The following NALF1 variants were observed in gnomAD, a reference collection of about 807,000 sequenced individuals.
NALF1 encodes family with sequence similarity 155 member A.
A neutral mutation model predicts 48.4 loss-of-function variants in NALF1; 3 were observed. That is an observed-to-expected ratio of 0.06 (90% confidence interval 0.03 to 0.16). NALF1 has a LOEUF of 0.16. NALF1 is among the 10% of genes least tolerant of loss of function. The pLI is 1.00. For missense variants in NALF1, 526 were observed against 571.5 expected (o/e 0.92, Z 0.81); for synonymous variants, 262 against 245.7 (o/e 1.07, Z -0.62).
chr13:107,736,950 T>C (rs1025388796), intron 1 of NALF1, among the ~76,000 whole-genome samples: 5 of 152,224 alleles, frequency 3.3e-5, no homozygotes, highest in Admixed American at 6.5e-5. Context: ...GAGGAAACCT[T>C]AATGGCCTGC....
intron 1 of NALF1, among the ~76,000 whole-genome samples, chr13:107,341,516 T>C (rs1398816866): frequency 6.6e-6 from 1 of 152,046 alleles, no homozygotes; most frequent in Non-Finnish European, 1.5e-5. Context: ...GTTTTACTTA[T>C]CTGCAAAATG....
At chr13:107,698,307 T>C (rs1881742586) in intron 1 of NALF1, among the ~76,000 whole-genome samples, 1 of 152,146 alleles carries the variant, frequency 6.6e-6, no homozygotes, top group Non-Finnish European at 1.5e-5. Context: ...ATATGCTATC[T>C]AAATTCAGGA....
intron 1 of NALF1, among the ~76,000 whole-genome samples, chr13:107,293,886 C>T (rs1026690757): frequency 1.3e-5 from 2 of 152,176 alleles, no homozygotes; most frequent in African/African-American, 2.4e-5. Flanking sequence ...GAGAAAACAA[C>T]CGTATTGTTT....
At chr13:107,682,535 A>T (rs1881333030) in intron 1 of NALF1, among the ~76,000 whole-genome samples, 1 of 152,008 alleles carries the variant, frequency 6.6e-6, no homozygotes, top group South Asian at 2.1e-4. Context: ...ATCCCGAACG[A>T]GGCCCCCGGG....
At chr13:107,716,350 T>C (rs1012877826) in intron 1 of NALF1, among the ~76,000 whole-genome samples, 1 of 152,182 alleles carries the variant, frequency 6.6e-6, no homozygotes, top group African/African-American at 2.4e-5. Flanking sequence ...ATGTTTTGTT[T>C]CCCGGTGCCA....
chr13:107,526,586 G>A (rs1481604483), intron 1 of NALF1, among the ~76,000 whole-genome samples: 1 of 152,088 alleles, frequency 6.6e-6, no homozygotes, highest in Non-Finnish European at 1.5e-5. Flanking sequence ...GTAGAAGGAC[G>A]AACACTGGTA....
rs1269887337 is a variant in NALF1, at chr13:107,867,271, T to TC, written c.-676dup. ...GGGCTGCCTCCGGCGGGGCGCTCCC[T>TC]CCCCCCCACCCCCCACCCCGCGCTC... is the stretch of plus-strand genomic sequence containing the variant. On this transcript the variant is annotated 5_prime_UTR_variant, in exon 1 of 3. Transcript: ENST00000375915. This position sits in a 1 kb window ranked among gnomAD's most constrained non-coding sequence, Gnocchi z 4.4. 2.2e-3 allele frequency among the ~76,000 whole-genome samples: 93 copies of TC among 41,862 alleles called. No individual in the cohort carries two copies. The highest frequency in any genetic ancestry group is 3.4e-3 in the Non-Finnish European group (66 of 19,602). 27.5% of individuals were successfully genotyped at this position (41,862 alleles called of 152,430 possible). A position where few individuals can be genotyped will look rare whatever the true frequency, so the allele number is the denominator to read the frequency against.
At chr13:107,674,128 T>C (rs1324412724) in intron 1 of NALF1, among the ~76,000 whole-genome samples, 3 of 151,990 alleles carry the variant, frequency 2.0e-5, no homozygotes, top group Non-Finnish European at 4.4e-5. Flanking sequence ...TGCCTGCTCC[T>C]TAGCCCTAGT....
chr13:107,218,746 A>G (rs992830134), intron 1 of NALF1, among the ~76,000 whole-genome samples: 1 of 152,182 alleles, frequency 6.6e-6, no homozygotes, highest in African/African-American at 2.4e-5. Flanking sequence ...TTGGGTTGCA[A>G]GCTGAGAAAG....
At chr13:107,232,696 A>C (rs1416479347) in intron 1 of NALF1, among the ~76,000 whole-genome samples, 1 of 152,184 alleles carries the variant, frequency 6.6e-6, no homozygotes, top group Non-Finnish European at 1.5e-5. Flanking sequence ...CTTGGGCTGG[A>C]TGCGGAAGAC....
intron 1 of NALF1, among the ~76,000 whole-genome samples, chr13:107,463,484 T>A (rs1884952520): frequency 6.6e-6 from 1 of 152,326 alleles, no homozygotes; most frequent in Non-Finnish European, 1.5e-5. Context: ...AATTTTGAAA[T>A]TTACTATGTA....
At chr13:107,310,785 C>A (rs1455874887) in intron 1 of NALF1, among the ~76,000 whole-genome samples, 1 of 152,032 alleles carries the variant, frequency 6.6e-6, no homozygotes, top group Non-Finnish European at 1.5e-5. Flanking sequence ...TCAAGTGATT[C>A]TCCTGTCTTA....
chr13:107,785,144 A>G (rs956091367), intron 1 of NALF1, among the ~76,000 whole-genome samples: 3 of 151,772 alleles, frequency 2.0e-5, no homozygotes, highest in Non-Finnish European at 4.4e-5. Flanking sequence ...ATGTGTGTGT[A>G]TATATATATG....
At chr13:107,861,837 T>C (rs939931396) in intron 1 of NALF1, among the ~76,000 whole-genome samples, 3 of 136,734 alleles carry the variant, frequency 2.2e-5, no homozygotes, top group African/African-American at 8.5e-5. Context: ...GAAATGCATT[T>C]TTTTTTCTTT....
intron 1 of NALF1, among the ~76,000 whole-genome samples, chr13:107,618,658 T>G (rs1195347112): frequency 6.6e-6 from 1 of 152,156 alleles, no homozygotes; most frequent in Non-Finnish European, 1.5e-5. Flanking sequence ...GAGGATTTGC[T>G]GGAAGACTTC....
chr13:107,411,776 T>G (rs1407756175), intron 1 of NALF1, among the ~76,000 whole-genome samples: 1 of 152,170 alleles, frequency 6.6e-6, no homozygotes, highest in East Asian at 1.9e-4. Flanking sequence ...CTGGATCGAC[T>G]TCCTTGAAGA....
chr13:107,470,764 G>A (rs2139052223), intron 1 of NALF1, among the ~76,000 whole-genome samples: 1 of 152,154 alleles, frequency 6.6e-6, no homozygotes, highest in Admixed American at 6.5e-5. Context: ...ATGTTTTGGA[G>A]TCAGATAATG....
At chr13:107,699,336 G>A (rs1044152852) in intron 1 of NALF1, among the ~76,000 whole-genome samples, 1 of 152,070 alleles carries the variant, frequency 6.6e-6, no homozygotes, top group Non-Finnish European at 1.5e-5. Context: ...TTGATAGAGA[G>A]AAGTAAAGAA....
rs778833499 is a variant in NALF1 at position 107,859,914 on chromosome 13, C to CAA, written c.915+5766_915+5767dup. On this transcript the variant is annotated intron_variant, in intron 1 of 2. Coordinates refer to ENST00000375915, the MANE Select transcript of NALF1 (RefSeq NM_001080396.3). ...TGGACGACAGAGCAAAACTCCAACT[C>CAA]AAAAAAAAAAAAAAAAAAAAGAATC... is the stretch of plus-strand genomic sequence containing the variant. 8.5e-3 allele frequency among the ~76,000 whole-genome samples: 561 copies of CAA among 66,374 alleles called. 11 individuals carry two copies. Among genetic ancestry groups the CAA allele is most frequent in the African/African-American group, 0.025 (400 of 16,316 alleles). 43.5% of individuals were successfully genotyped at this position (66,374 alleles called of 152,430 possible).
Sources: gnomAD v4.1 joint callset for allele counts (sites outside exome capture counted in the v4.1 genomes callset) on GRCh38, gnomAD v4.1.1 for gene constraint, Gnocchi (gnomAD v3.1) non-coding constraint, MANE v1.5 for transcripts, NCBI Gene and HGNC (gene_info 2026-07-23, HGNC 2026-07-21) for gene names.